The following MEF2A variants were observed in gnomAD, a reference collection of about 807,000 sequenced individuals.
MEF2A encodes the protein myocyte-specific enhancer factor 2A.
MEF2A carries 28 observed loss-of-function variants against 55.8 expected under a neutral mutation model. That is an observed-to-expected ratio of 0.50 (90% CI 0.37 to 0.69). MEF2A has a LOEUF of 0.69. Ranked by LOEUF, MEF2A falls within the 30% of genes least tolerant of loss-of-function variation. The probability of loss-of-function intolerance (pLI) is 0.00; values close to 1 mark genes in which losing one functional copy is unlikely to be tolerated. For synonymous variants in MEF2A, 239 were observed against 227.1 expected, an observed-to-expected ratio of 1.05 and a Z score of -0.47; for missense variants, 528 against 626.2, an observed-to-expected ratio of 0.84 and a Z score of 1.67.
intron 2 of MEF2A, among the ~76,000 whole-genome samples, chr15:99,631,324 G>A (rs992341887): frequency 1.3e-5 from 2 of 152,142 alleles, no homozygotes; most frequent in Admixed American, 1.3e-4. Flanking sequence ...GATACAATGT[G>A]ATCTGTTAAA....
intron 1 of MEF2A, among the ~76,000 whole-genome samples, chr15:99,584,376 G>A (rs1966771490): frequency 6.6e-6 from 1 of 152,150 alleles, no homozygotes; most frequent in South Asian, 2.1e-4. Context: ...GAAAACTTGT[G>A]TACAAATGCT....
At chr15:99,587,170 C>G (rs1183882477) in intron 1 of MEF2A, among the ~76,000 whole-genome samples, 1 of 152,004 alleles carries the variant, frequency 6.6e-6, no homozygotes, top group Non-Finnish European at 1.5e-5. Flanking sequence ...AACCCATCAT[C>G]TGCATTAGGT....
intron 1 of MEF2A, among the ~76,000 whole-genome samples, chr15:99,595,558 A>G (rs1970865553): frequency 6.6e-6 from 1 of 152,184 alleles, no homozygotes; most frequent in South Asian, 2.1e-4. Flanking sequence ...AAATTTTCCA[A>G]ATGAATTATA....
intron 3 of MEF2A, among the ~76,000 whole-genome samples, chr15:99,636,017 T>C (rs555887155): frequency 1.7e-3 from 254 of 152,264 alleles, no homozygotes; most frequent in Non-Finnish European, 2.6e-3. Context: ...TACACTCTGC[T>C]GGCAGAGTGT....
chr15:99,592,966 A>G (rs1248480072), intron 1 of MEF2A, among the ~76,000 whole-genome samples: 2 of 152,236 alleles, frequency 1.3e-5, no homozygotes, highest in Non-Finnish European at 2.9e-5. Flanking sequence ...TTTAAATATC[A>G]GTTACATCCT....
intron 4 of MEF2A, among the ~76,000 whole-genome samples, chr15:99,667,448 C>T (rs918907275): frequency 6.6e-6 from 1 of 152,144 alleles, no homozygotes; most frequent in Non-Finnish European, 1.5e-5. Context: ...TGGTCTCAAT[C>T]TCCTGACCTC....
intron 8 of MEF2A, among the ~76,000 whole-genome samples, chr15:99,694,757 G>A (rs1005797331): frequency 6.6e-6 from 1 of 152,126 alleles, no homozygotes; most frequent in African/African-American, 2.4e-5. Context: ...CTTAAGAGAA[G>A]GATATCTACA....
At chr15:99,656,569 A>G (rs1438731838) in intron 4 of MEF2A, among the ~76,000 whole-genome samples, 1 of 152,108 alleles carries the variant, frequency 6.6e-6, no homozygotes, top group African/African-American at 2.4e-5. Flanking sequence ...TTAGGACAAT[A>G]TGATATGATT....
chr15:99,619,916 A>G (rs1175413179), intron 2 of MEF2A, among the ~76,000 whole-genome samples: 1 of 152,196 alleles, frequency 6.6e-6, no homozygotes, highest in Non-Finnish European at 1.5e-5. Flanking sequence ...TCAGGTTGTG[A>G]AGAAAGAGTA....
At chr15:99,565,676 G>C (rs1596135472), upstream of MEF2A, 2 of 152,562 alleles carry the variant, frequency 1.3e-5, no homozygotes, top group South Asian at 4.1e-4. Flanking sequence ...CCAGGTGATC[G>C]TCTCCTCACC....
chr15:99,672,033 T>C (rs1297576529), intron 5 of MEF2A, among the ~76,000 whole-genome samples: 1 of 152,214 alleles, frequency 6.6e-6, no homozygotes, highest in African/African-American at 2.4e-5. Context: ...AAACTTTCCC[T>C]CTACTCCCAT....
chr15:99,708,780 G>C (rs906471315), intron 10 of MEF2A, among the ~76,000 whole-genome samples: 1 of 152,178 alleles, frequency 6.6e-6, no homozygotes, highest in Non-Finnish European at 1.5e-5. Context: ...CTGTGTCTCA[G>C]CTCGGACAGG....
At chr15:99,585,862 A>G (rs1967046423) in intron 1 of MEF2A, among the ~76,000 whole-genome samples, 1 of 152,178 alleles carries the variant, frequency 6.6e-6, no homozygotes, top group African/African-American at 2.4e-5. Flanking sequence ...AGTGGCTTTC[A>G]TAATGTATGA....
chr15:99,633,414 A>G (rs1441951467), intron 3 of MEF2A, among the ~76,000 whole-genome samples: 3 of 152,108 alleles, frequency 2.0e-5, no homozygotes, highest in Non-Finnish European at 2.9e-5. Context: ...AATCACCACA[A>G]TCCCCACCAT....
At chr15:99,693,970 G>A (rs1480026428) in intron 8 of MEF2A, among the ~76,000 whole-genome samples, 1 of 152,136 alleles carries the variant, frequency 6.6e-6, no homozygotes, top group African/African-American at 2.4e-5. Flanking sequence ...TTAGTATGGT[G>A]TATTTGTCAC....
intron 1 of MEF2A, among the ~76,000 whole-genome samples, chr15:99,579,622 C>A (rs1965341723): frequency 6.6e-6 from 1 of 152,180 alleles, no homozygotes; most frequent in Admixed American, 6.5e-5. Flanking sequence ...TCTCGGACTC[C>A]CGGCCTCAAG....
intron 9 of MEF2A, 91 bp from the exon 10 acceptor site, chr15:99,706,638 A>T: frequency 7.0e-7 from 1 of 1,424,826 alleles, no homozygotes. Context: ...ATTCATATGA[A>T]ACTGTGAAAA....
intron 2 of MEF2A, among the ~76,000 whole-genome samples, chr15:99,620,211 G>A (rs1336227547): frequency 6.6e-6 from 1 of 152,054 alleles, no homozygotes; most frequent in African/African-American, 2.4e-5. Context: ...TTTTATTTTT[G>A]GTTCAGGGGT....
chr15:99,618,861 TAA>T (rs1442329428), intron 2 of MEF2A, among the ~76,000 whole-genome samples: 1 of 152,196 alleles, frequency 6.6e-6, no homozygotes, highest in Non-Finnish European at 1.5e-5. Flanking sequence ...AAAAGTAAAA[TAA>T]AAACAGTTTT....
Sources: gnomAD v4.1 joint callset for allele counts (sites outside exome capture counted in the v4.1 genomes callset) on GRCh38, gnomAD v4.1.1 for gene constraint, MANE v1.5 for transcripts, NCBI Gene and HGNC (gene_info 2026-07-23, HGNC 2026-07-21) for gene names.